SRGAP1: variants seen among roughly 807,000 people sequenced by gnomAD.
SRGAP1 encodes the protein SLIT-ROBO Rho GTPase activating protein 1.
SRGAP1 carries 43 observed loss-of-function variants against 121.9 expected under a neutral mutation model. That is an observed-to-expected ratio of 0.35 (90% confidence interval 0.28 to 0.46). The LOEUF is 0.46. SRGAP1 is among the 20% of genes least tolerant of loss of function. The pLI is 1.00. For missense variants in SRGAP1, 1,102 were observed against 1,350.9 expected (o/e 0.82, Z 2.89); for synonymous variants, 447 against 485.4 (o/e 0.92, Z 1.04).
chr12:64,108,732 T>C (rs995287140), intron 15 of SRGAP1, 200 bp from the exon 16 acceptor site: 4 of 377,254 alleles, frequency 1.1e-5, no homozygotes, highest in Admixed American at 4.5e-5. Flanking sequence ...GAGAAAACGG[T>C]AAGGGTCAGA....
chr12:64,011,019 G>C lies in SRGAP1; in HGVS notation c.427-5931G>C, dbSNP rs1261700224. On this transcript the variant is annotated intron_variant, in intron 3 of 21. Transcript: ENST00000355086. The stretch of plus-strand genomic sequence containing the variant: ...TTTTTACAGAGTTACATGTAGGATT[G>C]TACCAGCCAAAGAGAAGGAGGGAGA... 5.3e-5 allele frequency among the ~76,000 whole-genome samples: 8 copies of C among 151,868 alleles called. No individual in the cohort carries two copies. In the East Asian group the frequency reaches 1.5e-3, roughly 29 times the overall value.
chr12:63,923,829 A>G (rs1484342007), intron 1 of SRGAP1, among the ~76,000 whole-genome samples: 1 of 152,236 alleles, frequency 6.6e-6, no homozygotes, highest in Non-Finnish European at 1.5e-5. Context: ...ACATTTATAT[A>G]ACTTGATATG....
In SRGAP1 at chr12:64,080,418, A is replaced by G. The variant is rs200177270; in HGVS notation, c.1408+48A>G. The stretch of plus-strand genomic sequence containing the variant: ...GAAGATGACCTGGATGATACATCGT[A>G]TCATGTATATATTCCAGAAAGAGTA... On this transcript the variant is annotated intron_variant, in intron 10 of 21. Coordinates refer to ENST00000355086, the MANE Select transcript of SRGAP1 (RefSeq NM_020762.4). 3.8e-6 allele frequency: 5 copies of G among 1,333,276 alleles called. No individual in the cohort carries two copies. The East Asian group carries it at 1.2e-4, about 31-fold the overall frequency. 82.6% of individuals were successfully genotyped at this position (1,333,276 alleles called of 1,614,324 possible).
chr12:63,866,785 T>C (rs1385041297), intron 1 of SRGAP1, among the ~76,000 whole-genome samples: 1 of 151,762 alleles, frequency 6.6e-6, no homozygotes, highest in Admixed American at 6.6e-5. Context: ...TACTCAAGCA[T>C]AGTTCATAGA....
intron 8 of SRGAP1, among the ~76,000 whole-genome samples, chr12:64,068,241 C>T (rs1399903917): frequency 6.8e-6 from 1 of 147,294 alleles, no homozygotes; most frequent in Non-Finnish European, 1.5e-5. Context: ...CCGCTGCACT[C>T]CAGCCTGGGC....
At chr12:63,872,167 A>G (rs1250102135) in intron 1 of SRGAP1, 3 of 350,306 alleles carry the variant, frequency 8.6e-6, no homozygotes, top group Non-Finnish European at 1.6e-5. Flanking sequence ...GTTATGTTTC[A>G]TGAGAGCACC....
At chr12:63,960,400 T>A (rs188786546) in intron 1 of SRGAP1, among the ~76,000 whole-genome samples, 1 of 152,174 alleles carries the variant, frequency 6.6e-6, no homozygotes, top group Admixed American at 6.5e-5. Context: ...TTCTCTACTC[T>A]TTCCTTCCAA....
chr12:64,056,549 CA>C (rs1273579087), intron 6 of SRGAP1, among the ~76,000 whole-genome samples: 3,800 of 60,034 alleles, frequency 0.063, 44 homozygotes, highest in African/African-American at 0.077. Flanking sequence ...TGAGACTCCA[CA>C]AAAAAAAAAA....
chr12:63,995,508 A>G (rs1240920433), intron 3 of SRGAP1, among the ~76,000 whole-genome samples: 2 of 152,204 alleles, frequency 1.3e-5, no homozygotes, highest in African/African-American at 4.8e-5. Context: ...TTGGTGGTAG[A>G]GATGTCACCC....
In SRGAP1 at chr12:64,091,256, A is replaced by G; in HGVS notation, c.1437-20A>G. The G allele has an allele frequency of 6.5e-7, 1 of 1,527,868 alleles. No individual in the cohort carries two copies. Among genetic ancestry groups the G allele is most frequent in the Admixed American group, 1.8e-5 (1 of 55,382 alleles). 94.6% of individuals were successfully genotyped at this position (1,527,868 alleles called of 1,614,324 possible). A position where few individuals can be genotyped will look rare whatever the true frequency, so the allele number is the denominator to read the frequency against. On this transcript the variant is annotated intron_variant, in intron 11 of 21. Coordinates refer to ENST00000355086, the MANE Select transcript of SRGAP1 (RefSeq NM_020762.4). ...TGTTTGATTTCTGCCATGCTCAGTA[A>G]TTATATTCCCTTCCCTTAGGCCTCC...
At chr12:64,029,061 T>C (rs2034717108) in intron 4 of SRGAP1, among the ~76,000 whole-genome samples, 1 of 152,190 alleles carries the variant, frequency 6.6e-6, no homozygotes, top group Admixed American at 6.5e-5. Context: ...AAACTAGTAT[T>C]TGAACCCAAG....
rs1220176475 is a variant in SRGAP1 at position 64,142,906 on chromosome 12, T to C, written c.*234T>C. Reference sequence around the variant, plus strand: ...TCATTTTAAGGACAATAGAAACACTTAGACTTACTTGAAAATCCAATGCTG... The same window carrying C: ...TCATTTTAAGGACAATAGAAACACTCAGACTTACTTGAAAATCCAATGCTG... On this transcript the variant is annotated 3_prime_UTR_variant, in exon 22 of 22. Coordinates refer to ENST00000355086, the MANE Select transcript of SRGAP1 (RefSeq NM_020762.4). The C allele has an allele frequency of 1.3e-5, 7 of 538,440 alleles. No homozygotes were observed. The highest frequency in any genetic ancestry group is 7.6e-5 in the African/African-American group (4 of 52,806). 33.4% of individuals were successfully genotyped at this position (538,440 alleles called of 1,614,324 possible).
intron 12 of SRGAP1, among the ~76,000 whole-genome samples, chr12:64,092,225 G>C (rs2036065552): frequency 6.6e-6 from 1 of 152,038 alleles, no homozygotes; most frequent in Non-Finnish European, 1.5e-5. Flanking sequence ...TTTAATACTG[G>C]ATTATGGACC....
At chr12:63,962,245 A>G (rs1255097138) in intron 1 of SRGAP1, among the ~76,000 whole-genome samples, 1 of 152,236 alleles carries the variant, frequency 6.6e-6, no homozygotes. Flanking sequence ...GGATGCTGAT[A>G]TATGTCCTCT....
intron 17 of SRGAP1, 51 bp downstream of exon 17, chr12:64,112,037 T>G (rs748856943): frequency 4.9e-6 from 7 of 1,415,688 alleles, no homozygotes; most frequent in Admixed American, 3.6e-5. Flanking sequence ...TATGGAAATA[T>G]AGCTATCAAT....
intron 13 of SRGAP1, 40 bp downstream of exon 13, chr12:64,095,032 C>A: frequency 8.7e-6 from 14 of 1,610,816 alleles, no homozygotes; most frequent in Non-Finnish European, 1.0e-5. Flanking sequence ...TTTAAAAAAT[C>A]ACTTGAAGTG....
intron 10 of SRGAP1, 117 bp downstream of exon 10, chr12:64,080,487 T>G (rs2035817992): frequency 1.1e-6 from 1 of 927,228 alleles, no homozygotes; most frequent in East Asian, 2.6e-5. Flanking sequence ...ACACTCTGTG[T>G]TTAGATTTGG....
rs531819299 is a variant in SRGAP1 at position 64,003,478 on chromosome 12, G to GAA, written c.426+13426_426+13427dup. Among the ~76,000 whole-genome samples, 61 of 42,738 alleles carry GAA rather than the reference G, an allele frequency of 1.4e-3. 2 individuals are homozygous for GAA. In the East Asian group the frequency reaches 0.014, roughly 10 times the overall value. The allele number at this position is 42,738 out of a possible 152,430, so 28.0% of individuals were successfully genotyped here. A position where few individuals can be genotyped will look rare whatever the true frequency, so the allele number is the denominator to read the frequency against. On this transcript the variant is annotated intron_variant, in intron 3 of 21. Coordinates refer to ENST00000355086, the MANE Select transcript of SRGAP1 (RefSeq NM_020762.4). ...ATGAATGGAAAGCCAGGAAGTTTCA[G>GAA]AAAAAAAAAAAAAAAAAAAAAGGTA...
At chr12:63,967,227 C>T (rs1224493039) in intron 1 of SRGAP1, among the ~76,000 whole-genome samples, 1 of 152,128 alleles carries the variant, frequency 6.6e-6, no homozygotes, top group African/African-American at 2.4e-5. Context: ...GATCACTTCT[C>T]CCCAGGAGTT....
Sources: allele counts gnomAD v4.1 joint callset (sites outside exome capture counted in the v4.1 genomes callset), GRCh38; gene constraint gnomAD v4.1.1; transcripts MANE v1.5; gene names NCBI Gene and HGNC (gene_info 2026-07-23, HGNC 2026-07-21).